Variants in ZNF407 observed in about 807,000 individuals in gnomAD.
ZNF407 encodes the protein zinc finger protein 407.
Under a neutral mutation model 131.2 loss-of-function variants are expected in ZNF407, and 17 were observed. The ratio of observed to expected loss-of-function variants is 0.13; its 90% CI spans 0.09 to 0.19. The LOEUF (loss-of-function observed/expected upper bound fraction) is 0.19, where lower values mean the gene tolerates loss of function less well. Among genes scored for constraint, ZNF407 ranks in the 10% least tolerant of loss-of-function variants. The probability of loss-of-function intolerance (pLI) is 1.00; values close to 1 mark genes in which losing one functional copy is unlikely to be tolerated. For synonymous variants in ZNF407, 1,156 were observed against 1,062.0 expected (o/e 1.09, Z -1.72); for missense variants, 2,681 against 2,830.6 (o/e 0.95, Z 1.20).
intron 4 of ZNF407, among the ~76,000 whole-genome samples, chr18:74,795,623 T>C (rs1325233225): frequency 2.0e-5 from 3 of 152,224 alleles, no homozygotes; most frequent in Non-Finnish European, 2.9e-5. Flanking sequence ...GTGGGAAAAA[T>C]AGACAAGCAT....
At chr18:74,936,079 C>T (rs1972036595) in intron 8 of ZNF407, among the ~76,000 whole-genome samples, 1 of 152,130 alleles carries the variant, frequency 6.6e-6, no homozygotes, top group Admixed American at 6.6e-5. Flanking sequence ...TTTTACTTTT[C>T]ACTCCAATTT....
At chr18:75,020,726 T>TA (rs1167767934) in intron 8 of ZNF407, among the ~76,000 whole-genome samples, 3 of 152,180 alleles carry the variant, frequency 2.0e-5, no homozygotes, top group African/African-American at 7.2e-5. Flanking sequence ...CATACCCATT[T>TA]AAAAAAATTT....
intron 8 of ZNF407, among the ~76,000 whole-genome samples, chr18:75,027,959 C>T (rs1973190669): frequency 6.6e-6 from 1 of 152,146 alleles, no homozygotes; most frequent in South Asian, 2.1e-4. Flanking sequence ...TGCACTGTGC[C>T]GTGGCAATGG....
At chr18:74,798,209 A>C (rs367934891) in intron 4 of ZNF407, among the ~76,000 whole-genome samples, 3 of 147,836 alleles carry the variant, frequency 2.0e-5, no homozygotes, top group African/African-American at 7.5e-5. Flanking sequence ...CCTTTACACA[A>C]ACACACACAC....
intron 8 of ZNF407, among the ~76,000 whole-genome samples, chr18:74,970,776 T>C (rs756150080): frequency 1.3e-5 from 2 of 152,176 alleles, no homozygotes; most frequent in Non-Finnish European, 2.9e-5. Flanking sequence ...GTCTGGAGGA[T>C]GGTGGTCCTC....
intron 3 of ZNF407, among the ~76,000 whole-genome samples, chr18:74,669,319 G>A (rs1168938977): frequency 6.6e-6 from 1 of 152,302 alleles, no homozygotes; most frequent in South Asian, 2.1e-4. Context: ...TGCATATGGG[G>A]TAGGACCCCA....
At chr18:74,704,689 T>C (rs1415707503) in intron 3 of ZNF407, among the ~76,000 whole-genome samples, 1 of 152,256 alleles carries the variant, frequency 6.6e-6, no homozygotes, top group African/African-American at 2.4e-5. Context: ...GTTTGAATTT[T>C]GTCGCTTAAG....
At chr18:75,006,576 CTTA>C (rs1478158445) in intron 8 of ZNF407, among the ~76,000 whole-genome samples, 1 of 152,094 alleles carries the variant, frequency 6.6e-6, no homozygotes, top group Non-Finnish European at 1.5e-5. Flanking sequence ...AATTTTCCTC[CTTA>C]TTATTAATCT....
intron 3 of ZNF407, among the ~76,000 whole-genome samples, chr18:74,766,984 T>C (rs569941214): frequency 1.4e-4 from 21 of 152,326 alleles, no homozygotes; most frequent in Admixed American, 8.5e-4. Flanking sequence ...CAGTCTCTGC[T>C]CACTGCAACC....
At chr18:74,907,196 G>T (rs914093213) in intron 7 of ZNF407, among the ~76,000 whole-genome samples, 1 of 152,112 alleles carries the variant, frequency 6.6e-6, no homozygotes, top group African/African-American at 2.4e-5. Flanking sequence ...AAGGTTGAAT[G>T]CCCAGATAGT....
intron 3 of ZNF407, among the ~76,000 whole-genome samples, chr18:74,646,767 C>T (rs904591167): frequency 1.4e-4 from 22 of 152,114 alleles, no homozygotes; most frequent in Admixed American, 3.3e-4. Flanking sequence ...GTGTATTTTC[C>T]AGTGAACTGT....
intron 8 of ZNF407, among the ~76,000 whole-genome samples, chr18:74,964,117 A>G (rs1226398074): frequency 2.0e-5 from 3 of 152,200 alleles, no homozygotes; most frequent in African/African-American, 7.2e-5. Flanking sequence ...CGTTAAGTGT[A>G]AGACTAGGAG....
intron 1 of ZNF407, among the ~76,000 whole-genome samples, chr18:74,614,739 A>C (rs987901211): frequency 6.6e-5 from 10 of 152,112 alleles, no homozygotes; most frequent in Non-Finnish European, 1.2e-4. Flanking sequence ...AATGATTGGC[A>C]TTGTCTGTAA....
intron 4 of ZNF407, among the ~76,000 whole-genome samples, chr18:74,794,405 G>A (rs1484932485): frequency 6.7e-6 from 1 of 149,130 alleles, no homozygotes; most frequent in Non-Finnish European, 1.5e-5. Flanking sequence ...TTCTAAAAGG[G>A]TCACATAATT....
chr18:75,032,812 T>G (rs1192453996), intron 8 of ZNF407, among the ~76,000 whole-genome samples: 134 of 86,708 alleles, frequency 1.5e-3, no homozygotes, highest in African/African-American at 3.6e-3. Flanking sequence ...TGCTCAGAAT[T>G]GGGGGAAGAC....
At chr18:74,996,903 G>GT (rs1972786231) in intron 8 of ZNF407, among the ~76,000 whole-genome samples, 1 of 152,158 alleles carries the variant, frequency 6.6e-6, no homozygotes, top group Non-Finnish European at 1.5e-5. Context: ...ATCTCTTGTG[G>GT]TTTAAATAAC....
At chr18:74,781,040 T>C (rs970237404) in intron 3 of ZNF407, among the ~76,000 whole-genome samples, 1 of 152,168 alleles carries the variant, frequency 6.6e-6, no homozygotes, top group African/African-American at 2.4e-5. Flanking sequence ...GTCCTTTAAA[T>C]ATTTAATAAA....
intron 3 of ZNF407, among the ~76,000 whole-genome samples, chr18:74,708,346 T>C (rs1021027560): frequency 1.3e-5 from 2 of 152,238 alleles, no homozygotes; most frequent in African/African-American, 4.8e-5. Context: ...CACACAGGCA[T>C]GTATAGGTTT....
chr18:74,821,887 A>T (rs1568230226), intron 4 of ZNF407, among the ~76,000 whole-genome samples: 1 of 152,196 alleles, frequency 6.6e-6, no homozygotes, highest in Non-Finnish European at 1.5e-5. Flanking sequence ...ACTCCCACCA[A>T]CAGTGTAAAA....
Sources: gnomAD v4.1 joint callset for allele counts (sites outside exome capture counted in the v4.1 genomes callset) on GRCh38, gnomAD v4.1.1 for gene constraint, MANE v1.5 for transcripts, NCBI Gene and HGNC (gene_info 2026-07-23, HGNC 2026-07-21) for gene names.